The following PTPRN2 variants were observed in gnomAD, a reference collection of about 807,000 sequenced individuals.
PTPRN2 encodes protein tyrosine phosphatase receptor type N2.
Under a neutral mutation model 118.8 loss-of-function variants are expected in PTPRN2, and 74 were observed. The ratio of observed to expected loss-of-function variants is 0.62; its 90% CI spans 0.52 to 0.76. The LOEUF (loss-of-function observed/expected upper bound fraction) is 0.76. Among genes scored for constraint, PTPRN2 ranks in the 30% least tolerant of loss-of-function variants. The pLI, the probability that PTPRN2 is intolerant of heterozygous loss-of-function variation, is 0.00. For synonymous variants in PTPRN2, 641 were observed against 608.0 expected (o/e 1.05, Z -0.80); for missense variants, 1,481 against 1,394.4 (o/e 1.06, Z -0.99).
chr7:157,567,814 G>A (rs932065468), intron 21 of PTPRN2, among the ~76,000 whole-genome samples: 2 of 152,116 alleles, frequency 1.3e-5, no homozygotes, highest in East Asian at 1.9e-4. Context: ...GGACGCTAAC[G>A]GGTATCGCAA....
intron 2 of PTPRN2, among the ~76,000 whole-genome samples, chr7:158,392,713 C>T (rs1241313707): frequency 6.6e-6 from 1 of 152,146 alleles, no homozygotes; most frequent in Non-Finnish European, 1.5e-5. Flanking sequence ...AGTCAGCAGC[C>T]AAGGGGCAGG....
chr7:158,036,281 T>C (rs1808086642), intron 11 of PTPRN2, among the ~76,000 whole-genome samples: 1 of 152,216 alleles, frequency 6.6e-6, no homozygotes, highest in African/African-American at 2.4e-5. Context: ...CAGAATTGAA[T>C]TGAAAGGAAT....
chr7:157,960,033 C>A (rs979852659), intron 11 of PTPRN2, among the ~76,000 whole-genome samples: 4 of 152,064 alleles, frequency 2.6e-5, no homozygotes, highest in South Asian at 4.2e-4. Context: ...AGCTACAACA[C>A]GGGTAAACCT....
At position 158,089,787 on chromosome 7, in the gene PTPRN2, A is replaced by C. The variant is rs141552428; in HGVS notation, c.1644-8410T>G. 9.3e-3 allele frequency among the ~76,000 whole-genome samples: 1,002 copies of C among 108,032 alleles called. 275 individuals are homozygous for C. The highest frequency in any genetic ancestry group is 0.013 in the Non-Finnish European group (637 of 48,956). 70.9% of individuals were successfully genotyped at this position (108,032 alleles called of 152,430 possible). A position where few individuals can be genotyped will look rare whatever the true frequency, so the allele number is the denominator to read the frequency against. On this transcript the variant is annotated intron_variant, in intron 10 of 22. Coordinates refer to ENST00000389418, the MANE Select transcript of PTPRN2 (RefSeq NM_002847.5). ...TGATGAAAAGGGGAATGTTCACACA[A>C]ATCCTTCTTCCCCTGACGAAAGAGG...
chr7:158,109,192 T>A (rs1321581778), intron 10 of PTPRN2, among the ~76,000 whole-genome samples: 1 of 148,614 alleles, frequency 6.7e-6, no homozygotes, highest in Admixed American at 6.7e-5. Flanking sequence ...GTGAATGACA[T>A]CACCCCTGTG....
chr7:158,528,574 C>G (rs1824967995), intron 1 of PTPRN2, among the ~76,000 whole-genome samples: 1 of 151,242 alleles, frequency 6.6e-6, no homozygotes, highest in African/African-American at 2.4e-5. Flanking sequence ...ATCAAGAGGT[C>G]AGGAGATTGA....
rs577714755 is a variant in PTPRN2 at position 158,455,989 on chromosome 7, C to T, written c.163+33746G>A. Among the ~76,000 whole-genome samples, 4 of 151,274 alleles carry T rather than the reference C, an allele frequency of 2.6e-5. No individual in the cohort carries two copies. The East Asian group carries it at 7.9e-4, about 30-fold the overall frequency. On this transcript the variant is annotated intron_variant, in intron 2 of 22. Coordinates refer to ENST00000389418, the MANE Select transcript of PTPRN2 (RefSeq NM_002847.5). ...GCATGGACGCCATCGGCCACGGCCA[C>T]CCATTGCTCTGCAGAGAACATAACA... is the stretch of plus-strand genomic sequence containing the variant.
rs1389654299 is a variant in PTPRN2, at chr7:157,617,139, A to T, written c.2344+4223T>A. Reference sequence around the variant, plus strand: ...AGTGGGGGGGTTTCTTGTGAGGACCAGAGGTGGCACATCCACGGGCATGGG... The same window carrying T: ...AGTGGGGGGGTTTCTTGTGAGGACCTGAGGTGGCACATCCACGGGCATGGG... On this transcript the variant is annotated intron_variant, in intron 15 of 22. Transcript: ENST00000389418. The surrounding 1 kb of genome is among the most constrained non-coding windows in gnomAD (Gnocchi z 7.5). 1 of 152,350 alleles carries T rather than the reference A, an allele frequency of 6.6e-6. No individual in the cohort carries two copies. Among genetic ancestry groups the T allele is most frequent in the Non-Finnish European group, 1.5e-5 (1 of 68,108 alleles). 9.4% of individuals were successfully genotyped at this position (152,350 alleles called of 1,614,324 possible).
chr7:157,540,362 AC>A lies in PTPRN2; in HGVS notation c.*351del, dbSNP rs1797958068. The A allele has an allele frequency of 5.4e-6, 1 of 184,150 alleles. No individual in the cohort carries two copies. Among genetic ancestry groups the A allele is most frequent in the Non-Finnish European group, 1.1e-5 (1 of 88,714 alleles). 11.4% of individuals were successfully genotyped at this position (184,150 alleles called of 1,614,324 possible). On this transcript the variant is annotated 3_prime_UTR_variant, in exon 23 of 23. Coordinates refer to ENST00000389418, the MANE Select transcript of PTPRN2 (RefSeq NM_002847.5). ...TCCACCCTCCCGAAAGTGGCAGATG[AC>A]AAGCACACTCTTCCTGGAAACCGCC...
In PTPRN2 at chr7:157,987,229, C is replaced by A. The variant is rs1200840937; in HGVS notation, c.1724-88492G>T. On this transcript the variant is annotated intron_variant, in intron 11 of 22. Transcript: ENST00000389418. The surrounding 1 kb of genome is among the most constrained non-coding windows in gnomAD (Gnocchi z 4.3). ...AAGTGTCCAGATCTGCTTCTGAAAT[C>A]TCTTCCTCCCTTAAGGTAAGGTGCT... Among the ~76,000 whole-genome samples the A allele has an allele frequency of 6.6e-6, 1 of 152,106 alleles. No homozygotes were observed. The highest frequency in any genetic ancestry group is 6.5e-5 in the Admixed American group (1 of 15,274).
rs567799287 is a variant in PTPRN2, at chr7:157,721,861, G to A, written c.1789-38924C>T. ...TGCAGACCCTTCCATTTTATTCATC[G>A]TGTTACAGAGCATTCTAAACCTCCT... On this transcript the variant is annotated intron_variant, in intron 12 of 22. Coordinates refer to ENST00000389418, the MANE Select transcript of PTPRN2 (RefSeq NM_002847.5). Among the ~76,000 whole-genome samples the A allele has an allele frequency of 7.9e-5, 12 of 152,296 alleles. No individual in the cohort carries two copies. In the East Asian group the frequency reaches 9.7e-4, roughly 12 times the overall value.
At chr7:158,326,801 A>T (rs1563142297) in intron 2 of PTPRN2, among the ~76,000 whole-genome samples, 1 of 142,718 alleles carries the variant, frequency 7.0e-6, no homozygotes. Flanking sequence ...ACACATGCAC[A>T]TTCTCACACA....
chr7:158,217,709 T>C (rs1828049301), intron 3 of PTPRN2, among the ~76,000 whole-genome samples: 2 of 152,168 alleles, frequency 1.3e-5, no homozygotes, highest in African/African-American at 4.8e-5. Flanking sequence ...GGAAATGATT[T>C]GAGAGTTGAA....
At chr7:158,270,068 C>T (rs1798207828) in intron 3 of PTPRN2, among the ~76,000 whole-genome samples, 1 of 152,228 alleles carries the variant, frequency 6.6e-6, no homozygotes. Context: ...TGGATGTGCC[C>T]CAACCAGAGC....
At chr7:158,006,257 C>T (rs1457461909) in intron 11 of PTPRN2, among the ~76,000 whole-genome samples, 1 of 152,216 alleles carries the variant, frequency 6.6e-6, no homozygotes, top group African/African-American at 2.4e-5. Flanking sequence ...TTTAGAGAGA[C>T]AGATCCTATA....
chr7:158,029,159 C>G (rs1163326625), intron 11 of PTPRN2: 1 of 131,666 alleles, frequency 7.6e-6, no homozygotes, highest in Non-Finnish European at 1.7e-5. Context: ...CGTATCCACT[C>G]GCCGGGGGCA....
rs1385936627 is a variant in PTPRN2 at position 157,629,048 on chromosome 7, AC to A, written c.2197-7540del. On this transcript the variant is annotated intron_variant, in intron 14 of 22. Transcript: ENST00000389418. The surrounding 1 kb of genome is among the most constrained non-coding windows in gnomAD (Gnocchi z 4.4). The stretch of plus-strand genomic sequence containing the variant: ...GCATCCCGTGTGCATCTGATGCAGG[AC>A]CCGCTCACACGAAACATGCTCGCCT... Among the ~76,000 whole-genome samples, 1 of 152,106 alleles carries A rather than the reference AC, an allele frequency of 6.6e-6. No individual in the cohort carries two copies. The highest frequency in any genetic ancestry group is 2.4e-5 in the African/African-American group (1 of 41,416).
At chr7:158,332,493 C>T (rs1804686671) in intron 2 of PTPRN2, among the ~76,000 whole-genome samples, 1 of 149,226 alleles carries the variant, frequency 6.7e-6, no homozygotes, top group Non-Finnish European at 1.5e-5. Flanking sequence ...GCACTCACAC[C>T]CACACTCTCA....
At chr7:158,024,622 G>T (rs1446049109) in intron 11 of PTPRN2, among the ~76,000 whole-genome samples, 1 of 152,212 alleles carries the variant, frequency 6.6e-6, no homozygotes, top group African/African-American at 2.4e-5. Context: ...CGACCACCAG[G>T]ATGTGGCTCC....
Sources: allele counts gnomAD v4.1 joint callset (sites outside exome capture counted in the v4.1 genomes callset), GRCh38; gene constraint gnomAD v4.1.1; non-coding constraint Gnocchi (gnomAD v3.1); transcripts MANE v1.5; gene names NCBI Gene and HGNC (gene_info 2026-07-23, HGNC 2026-07-21).